Variants in CEP152 observed in about 807,000 individuals in gnomAD.
CEP152 encodes centrosomal protein of 152 kDa.
CEP152 carries 132 observed loss-of-function variants against 188.9 expected under a neutral mutation model. The ratio of observed to expected loss-of-function variants is 0.70; its 90% CI spans 0.61 to 0.81. The LOEUF (loss-of-function observed/expected upper bound fraction) is 0.81. Among genes scored for constraint, CEP152 ranks in the 30% least tolerant of loss-of-function variants. CEP152 has a pLI of 0.00. For missense variants in CEP152, 1,914 were observed against 1,969.8 expected (o/e 0.97, Z 0.54); for synonymous variants, 649 against 666.6 (o/e 0.97, Z 0.41).
chr15:48,782,988 A>C (rs1896356083), intron 10 of CEP152, among the ~76,000 whole-genome samples: 1 of 152,190 alleles, frequency 6.6e-6, no homozygotes, highest in Non-Finnish European at 1.5e-5. Flanking sequence ...ATATATACAC[A>C]TACATTTAGG....
intron 2 of CEP152, among the ~76,000 whole-genome samples, chr15:48,801,231 TAAAC>T (rs1897648507): frequency 6.6e-6 from 1 of 152,302 alleles, no homozygotes; most frequent in East Asian, 1.9e-4. Flanking sequence ...ACGCTAAATG[TAAAC>T]AAATACTAGC....
rs1357196061 is a variant in CEP152 at position 48,787,162 on chromosome 15, C to CGTTTTTT, written c.1173+1632_1173+1638dup. Among the ~76,000 whole-genome samples, 9 of 37,164 alleles carry CGTTTTTT rather than the reference C, an allele frequency of 2.4e-4. 1 individual carries two copies. Among genetic ancestry groups the CGTTTTTT allele is most frequent in the Admixed American group, 6.5e-4 (2 of 3,088 alleles). 24.4% of individuals were successfully genotyped at this position (37,164 alleles called of 152,430 possible). On this transcript the variant is annotated intron_variant, in intron 9 of 26. Coordinates refer to ENST00000380950, the MANE Select transcript of CEP152 (RefSeq NM_001194998.2). Reference sequence around the variant, plus strand: ...CTTTTCAATAATTTGGTATAGCCTTCGTTTTTTTTTTTTTTTTTTTCTGGA... The same window carrying CGTTTTTT: ...CTTTTCAATAATTTGGTATAGCCTTCGTTTTTTGTTTTTTTTTTTTTTTTTTTCTGGA...
At position 48,797,725 on chromosome 15, in the gene CEP152, T is replaced by C. The variant is rs1897396013; in HGVS notation, c.197A>G (p.His66Arg). The stretch of plus-strand genomic sequence containing the variant: ...GCTCATCTCCAATTGCTCAGGATGA[T>C]GTGGTCTCGAGAAAAAGGAATACTT... Reference protein sequence around the residue: ...CSEDGTDGQPHHPEQLEMSWN... With the variant: ...CSEDGTDGQPRHPEQLEMSWN... Residue 66 changes from histidine (H) to arginine (R), a missense_variant, in exon 4 of 27, where the codon CAT becomes CGT. Coordinates refer to ENST00000380950, the MANE Select transcript of CEP152 (RefSeq NM_001194998.2). 1.2e-6 allele frequency: 2 copies of C among 1,614,002 alleles called. No homozygotes were observed. Among genetic ancestry groups the C allele is most frequent in the South Asian group, 1.1e-5 (1 of 91,084 alleles).
rs140452702 is a variant in CEP152, at chr15:48,785,564, A to G, written c.1174-1444T>C. Among the ~76,000 whole-genome samples, 592 of 152,312 alleles carry G rather than the reference A, an allele frequency of 3.9e-3. 4 individuals are homozygous for G. Among genetic ancestry groups the G allele is most frequent in the African/African-American group, 0.014 (578 of 41,574 alleles). On this transcript the variant is annotated intron_variant, in intron 9 of 26. Coordinates refer to ENST00000380950, the MANE Select transcript of CEP152 (RefSeq NM_001194998.2). ...CTGGGGAGGTCACAATAGTGTTAAC[A>G]AGGGACTGGGAACTAGCAAACAAAG...
At chr15:48,789,115 G>A in intron 8 of CEP152, 114 bp from the exon 9 acceptor site, 2 of 977,968 alleles carry the variant, frequency 2.0e-6, no homozygotes, top group Non-Finnish European at 3.2e-6. Flanking sequence ...ATGTTTTAAT[G>A]AGAGTAGAGA....
intron 9 of CEP152, among the ~76,000 whole-genome samples, chr15:48,787,937 C>T (rs1465653618): frequency 6.6e-6 from 1 of 152,146 alleles, no homozygotes; most frequent in African/African-American, 2.4e-5. Flanking sequence ...GTGCAATATG[C>T]TCAAGATGCA....
chr15:48,767,268 T>A (rs1189466955), intron 16 of CEP152, 67 bp downstream of exon 16: 2 of 1,613,820 alleles, frequency 1.2e-6, no homozygotes, highest in Admixed American at 1.7e-5. Flanking sequence ...ACAATTTTCC[T>A]CTAAATTATG....
At chr15:48,770,854 T>A (rs1360529686) in intron 13 of CEP152, among the ~76,000 whole-genome samples, 2 of 152,156 alleles carry the variant, frequency 1.3e-5, no homozygotes, top group African/African-American at 4.8e-5. Context: ...AAACACTGTT[T>A]TTCCAAAATA....
At chr15:48,806,097 A>G (rs1173624212) in intron 1 of CEP152, among the ~76,000 whole-genome samples, 1 of 152,196 alleles carries the variant, frequency 6.6e-6, no homozygotes, top group Non-Finnish European at 1.5e-5. Context: ...ATGCTTTACA[A>G]GAAGAAGGCC....
rs761448893 is a variant in CEP152 at position 48,805,633 on chromosome 15, C to G, written c.17G>C (p.Gly6Ala). 1 of 1,612,718 alleles carries G rather than the reference C, an allele frequency of 6.2e-7. No individual in the cohort carries two copies. The highest frequency in any genetic ancestry group is 8.5e-7 in the Non-Finnish European group (1 of 1,179,628). Residue 6 changes from glycine (G) to alanine (A), a missense_variant, in exon 2 of 27, where the codon GGC becomes GCC. Physicochemically the swap from Gly to Ala is moderately conservative, Grantham distance 60. Transcript: ENST00000380950. Reference sequence around the variant, plus strand: ...ATTTTGCACTGGTAGTGCCACACTGCCAAAGTCTAATGACATGGTCCTCCT... The same window carrying G: ...ATTTTGCACTGGTAGTGCCACACTGGCAAAGTCTAATGACATGGTCCTCCT... MSLDF[G>A]SVALPVQNED...
At chr15:48,783,385 C>T (rs1896400866) in intron 10 of CEP152, 2 of 151,870 alleles carry the variant, frequency 1.3e-5, no homozygotes, top group Non-Finnish European at 2.9e-5. Flanking sequence ...AGTCACTATT[C>T]CATTATGAGG....
chr15:48,756,018 C>G lies in CEP152; in HGVS notation c.3230G>C (p.Cys1077Ser), dbSNP rs1414640014. 3 of 1,614,044 alleles carry G rather than the reference C, an allele frequency of 1.9e-6. No individual in the cohort carries two copies. Among genetic ancestry groups the G allele is most frequent in the Non-Finnish European group, 2.5e-6 (3 of 1,179,966 alleles). ...DKQLLEIMST[C>S]SSKWMSVQYF... ...TTGCACAGACATCCATTTTGAAGAA[C>G]AAGTCGACATGATTTCCAAAAGCTG... is the stretch of plus-strand genomic sequence containing the variant. The change falls in exon 20 of 27, where the codon TGT becomes TCT. Residue 1077 changes from cysteine to serine, a missense_variant. Coordinates refer to ENST00000380950, the MANE Select transcript of CEP152 (RefSeq NM_001194998.2).
At position 48,755,970 on chromosome 15, in the gene CEP152, C is replaced by T. The variant is rs74012142; in HGVS notation, c.3278G>A (p.Cys1093Tyr). Residue 1093 changes from cysteine (C) to tyrosine (Y), a missense_variant, in exon 20 of 27, where the codon TGC becomes TAC. Transcript: ENST00000380950. The stretch of plus-strand genomic sequence containing the variant: ...TGTATCTTGAAATGCTTTCTGTATG[C>T]AGCCCTTTAGTTTTTCAAAATATTG... ...SVQYFEKLKG[C>Y]IQKAFQDTLP... 9.4e-4 allele frequency: 1,515 copies of T among 1,614,046 alleles called. 16 individuals are homozygous for T. The African/African-American group carries it at 0.018, about 20-fold the overall frequency.
At chr15:48,752,020 T>G (rs1893910351) in intron 21 of CEP152, among the ~76,000 whole-genome samples, 1 of 152,204 alleles carries the variant, frequency 6.6e-6, no homozygotes, top group Non-Finnish European at 1.5e-5. Flanking sequence ...TTTCAGTAAT[T>G]TGAATGAAAA....
Position 48,782,182 on chromosome 15 carries a change from T to G in CEP152, c.1370A>C (p.Gln457Pro). The change falls in exon 11 of 27, where the codon CAG becomes CCG. Residue 457 changes from glutamine (Q) to proline (P), a missense_variant. Physicochemically the swap from Gln to Pro is moderately conservative, Grantham distance 76. Transcript: ENST00000380950. ...GTTTGCACTCATAGCATGTGCCTTCTGTGCTTGCTGCAGCTGGAACTGTAG... is the reference window on the plus strand; with the variant it reads ...GTTTGCACTCATAGCATGTGCCTTCGGTGCTTGCTGCAGCTGGAACTGTAG... ...AQLQFQLQQAQKAHAMSANMN... is the reference protein window; with the variant it reads ...AQLQFQLQQAPKAHAMSANMN... 1 of 1,614,004 alleles carries G rather than the reference T, an allele frequency of 6.2e-7. No homozygotes were observed. The highest frequency in any genetic ancestry group is 1.1e-5 in the South Asian group (1 of 91,090).
At chr15:48,758,786 G>A (rs1275646762) in intron 19 of CEP152, among the ~76,000 whole-genome samples, 1 of 150,550 alleles carries the variant, frequency 6.6e-6, no homozygotes, top group Non-Finnish European at 1.5e-5. Context: ...TTATCTCTAG[G>A]AGGAAAGCCC....
In CEP152 at chr15:48,752,373, A is replaced by G; in HGVS notation, c.3442T>C (p.Leu1148=). ...CCAGCTTCTGCTTCTGTTGCTTGTA[A>G]GGCCAAGGGCTGAGCATGGTGTCCA... The part of the protein sequence containing the change: ...AAGHHAQPLA[L]QATEAEADKK... The change falls in exon 21 of 27, where the codon TTA becomes CTA. Residue 1148 remains leucine (L), a synonymous_variant. Coordinates refer to ENST00000380950, the MANE Select transcript of CEP152 (RefSeq NM_001194998.2). The G allele has an allele frequency of 6.2e-7, 1 of 1,614,066 alleles. No individual in the cohort carries two copies. Among genetic ancestry groups the G allele is most frequent in the South Asian group, 1.1e-5 (1 of 91,080 alleles).
intron 13 of CEP152, among the ~76,000 whole-genome samples, chr15:48,771,843 CAAA>C (rs1567003159): frequency 6.6e-6 from 1 of 152,188 alleles, no homozygotes; most frequent in Admixed American, 6.5e-5. Flanking sequence ...TCATCTAATG[CAAA>C]GCTTCATTTA....
At chr15:48,731,552 C>CTTAAA (rs1403805516) in intron 2 of CEP152, among the ~76,000 whole-genome samples, 2 of 152,148 alleles carry the variant, frequency 1.3e-5, no homozygotes, top group Admixed American at 1.3e-4. Context: ...GGATTAAAGA[C>CTTAAA]TTAAATGTAA....
Sources: allele counts gnomAD v4.1 joint callset (sites outside exome capture counted in the v4.1 genomes callset), GRCh38; gene constraint gnomAD v4.1.1; transcripts MANE v1.5; gene names NCBI Gene and HGNC (gene_info 2026-07-23, HGNC 2026-07-21).